Variants in ACYP1 observed in about 807,000 individuals in gnomAD.
The protein encoded by ACYP1 is acylphosphatase-1.
Under a neutral mutation model 10.4 loss-of-function variants are expected in ACYP1, and 8 were observed. The ratio of observed to expected loss-of-function variants is 0.77; its 90% CI spans 0.45 to 1.38. The LOEUF (loss-of-function observed/expected upper bound fraction) is 1.38. Among genes scored for constraint, ACYP1 ranks in the 40% most tolerant of loss-of-function variants. ACYP1 has a pLI of 0.00. For missense variants in ACYP1, 93 were observed against 117.3 expected (o/e 0.79, Z 0.96); for synonymous variants, 38 against 40.8 (o/e 0.93, Z 0.26).
chr14:75,066,977 T>C (rs1009214319), upstream of ACYP1, among the ~76,000 whole-genome samples: 4 of 151,976 alleles, frequency 2.6e-5, no homozygotes, highest in African/African-American at 9.7e-5. Flanking sequence ...GATTTGAGAA[T>C]GGGAGAGGAT....
intron 2 of ACYP1, among the ~76,000 whole-genome samples, chr14:75,058,196 C>A (rs978065812): frequency 2.0e-5 from 3 of 150,790 alleles, no homozygotes; most frequent in African/African-American, 7.4e-5. Flanking sequence ...CACCTGTAAT[C>A]CCAGCACTTT....
intron 2 of ACYP1, among the ~76,000 whole-genome samples, chr14:75,056,186 G>A (rs1167851842): frequency 6.6e-6 from 1 of 150,766 alleles, no homozygotes; most frequent in African/African-American, 2.5e-5. Context: ...TCTACCAAAT[G>A]TTTAAAAAAA....
At position 75,057,986 on chromosome 14, in the gene ACYP1, A is replaced by AAAC. The variant is rs1391197471; in HGVS notation, c.85-4328_85-4327insGTT. 2.7e-5 allele frequency among the ~76,000 whole-genome samples: 4 copies of AAAC among 148,004 alleles called. 1 individual carries two copies. Among genetic ancestry groups the AAAC allele is most frequent in the Admixed American group, 6.7e-5 (1 of 14,960 alleles). On this transcript the variant is annotated intron_variant, in intron 2 of 2. Transcript: ENST00000238618. ...TCTCAAAAAAAAAAAAAAAAAAAAA[A>AAAC]AAGAACTACCTGCTGAGGCTGGGTA...
At chr14:75,069,443 C>T (rs750981477) in exon 1 of ACYP1, 23 of 620,172 alleles carry the variant, frequency 3.7e-5, no homozygotes, top group Non-Finnish European at 5.7e-5. Flanking sequence ...TCCCCGGCTC[C>T]CCAAGGGCAG....
At chr14:75,055,719 A>T (rs1315389633) in intron 2 of ACYP1, among the ~76,000 whole-genome samples, 2 of 151,582 alleles carry the variant, frequency 1.3e-5, no homozygotes, top group Non-Finnish European at 2.9e-5. Flanking sequence ...CCACCTTAGG[A>T]TACTAGAAAA....
intron 2 of ACYP1, chr14:75,060,003 T>C (rs1366808285): frequency 5.9e-6 from 2 of 340,068 alleles, no homozygotes; most frequent in Non-Finnish European, 5.3e-6. Flanking sequence ...AGTTTCAGTT[T>C]TGCAAGATGA....
upstream of ACYP1, among the ~76,000 whole-genome samples, chr14:75,068,236 A>C (rs1450829457): frequency 1.3e-5 from 2 of 152,126 alleles, no homozygotes; most frequent in African/African-American, 4.8e-5. Flanking sequence ...GGTGGCAGTG[A>C]GCTAAGAGTG....
chr14:75,061,769 G>T, intron 2 of ACYP1: 1 of 1,568,108 alleles, frequency 6.4e-7, no homozygotes, highest in South Asian at 1.1e-5. Flanking sequence ...TTTCCTATTT[G>T]AGTGTCAGAT....
At chr14:75,063,856 C>A in intron 1 of ACYP1, 98 bp downstream of exon 1, 1 of 902,432 alleles carries the variant, frequency 1.1e-6, no homozygotes, top group Non-Finnish European at 1.4e-6. Flanking sequence ...TCCCTCACTA[C>A]CAGAATTCCC....
At chr14:75,062,120 A>AAAAAAAAAAAAAG (rs1566620216) in intron 2 of ACYP1, among the ~76,000 whole-genome samples, 1 of 147,854 alleles carries the variant, frequency 6.8e-6, no homozygotes, top group Non-Finnish European at 1.5e-5. Context: ...AAAAAAAAAA[A>AAAAAAAAAAAAAG]AAAAGAAAAG....
intron 2 of ACYP1, among the ~76,000 whole-genome samples, chr14:75,058,054 A>C (rs1892926214): frequency 6.8e-6 from 1 of 147,306 alleles, no homozygotes; most frequent in African/African-American, 2.5e-5. Context: ...GATTCTGTAG[A>C]TTGTATAAGC....
intron 2 of ACYP1, among the ~76,000 whole-genome samples, chr14:75,060,704 A>G (rs1160629815): frequency 1.3e-5 from 2 of 152,062 alleles, no homozygotes; most frequent in African/African-American, 4.8e-5. Context: ...AACCTTGAAA[A>G]CAATATGTTA....
At chr14:75,062,120 A>AAAAAAAAAAAAAAAAAAAG (rs1566620216) in intron 2 of ACYP1, among the ~76,000 whole-genome samples, 6 of 147,942 alleles carry the variant, frequency 4.1e-5, no homozygotes, top group African/African-American at 1.3e-4. Flanking sequence ...AAAAAAAAAA[A>AAAAAAAAAAAAAAAAAAAG]AAAAGAAAAG....
At chr14:75,061,550 C>T in intron 2 of ACYP1, 1 of 447,474 alleles carries the variant, frequency 2.2e-6, no homozygotes, top group Admixed American at 4.2e-5. Flanking sequence ...TTCTGTTATT[C>T]TCTCTTTAAA....
At chr14:75,063,855 ACCAGAATTCCCTGCTACTAACTC>A (rs1396503740) in intron 1 of ACYP1, 76 bp downstream of exon 1, 38 of 889,670 alleles carry the variant, frequency 4.3e-5, no homozygotes, top group Non-Finnish European at 5.2e-5. Context: ...CTCCCTCACT[ACCAGAATTCCCTGCTACTAACTC>A]CCAGAATCCC....
In ACYP1 at chr14:75,053,611, G is replaced by T. The variant is rs768589082; in HGVS notation, c.133C>A (p.Arg45=). 7 of 1,613,974 alleles carry T rather than the reference G, an allele frequency of 4.3e-6. No homozygotes were observed. The highest frequency in any genetic ancestry group is 2.7e-5 in the African/African-American group (2 of 74,886). The change falls in exon 3 of 3, where the codon CGG becomes AGG. Residue 45 remains arginine (R), a synonymous_variant. Transcript: ENST00000238618. ...TGCAATTGTCCTTGCACTGTGCCCC[G>T]GTCAGTGTTCTGGACCCAGCCTACC... ...GLVGWVQNTD[R]GTVQGQLQGP...
intron 2 of ACYP1, among the ~76,000 whole-genome samples, chr14:75,057,267 TAG>T (rs1469584125): frequency 1.3e-5 from 2 of 151,486 alleles, no homozygotes; most frequent in Non-Finnish European, 2.9e-5. Flanking sequence ...ATCAAAAAGA[TAG>T]AGTGTCTAGG....
intron 2 of ACYP1, among the ~76,000 whole-genome samples, chr14:75,057,356 A>G (rs1892901317): frequency 6.6e-6 from 1 of 151,582 alleles, no homozygotes; most frequent in Non-Finnish European, 1.5e-5. Flanking sequence ...AAGAGTATCT[A>G]AATAAATGGA....
At chr14:75,058,458 T>A (rs1215661348) in intron 2 of ACYP1, among the ~76,000 whole-genome samples, 1 of 150,874 alleles carries the variant, frequency 6.6e-6, no homozygotes, top group Non-Finnish European at 1.5e-5. Context: ...TCAAAAAAAA[T>A]AAATAAAAAT....
Sources: allele counts gnomAD v4.1 joint callset (sites outside exome capture counted in the v4.1 genomes callset), GRCh38; gene constraint gnomAD v4.1.1; transcripts MANE v1.5; gene names NCBI Gene and HGNC (gene_info 2026-07-23, HGNC 2026-07-21).